GABRB3: variants seen among roughly 807,000 people sequenced by gnomAD.
The protein encoded by GABRB3 is gamma-aminobutyric acid receptor subunit beta-3.
In GABRB3, 14 loss-of-function variants were observed where a neutral mutation model predicts 52.1. That is an observed-to-expected ratio of 0.27 (90% CI 0.18 to 0.42). The LOEUF (loss-of-function observed/expected upper bound fraction) is 0.42. Ranked by LOEUF, GABRB3 falls within the 10% of genes least tolerant of loss-of-function variation. The probability of loss-of-function intolerance (pLI) is 1.00; values close to 1 mark genes in which losing one functional copy is unlikely to be tolerated. For synonymous variants in GABRB3, 260 were observed against 232.3 expected (o/e 1.12, Z -1.08); for missense variants, 307 against 609.1 (o/e 0.50, Z 5.22).
chr15:26,604,401 A>T (rs1009067633), intron 4 of GABRB3, among the ~76,000 whole-genome samples: 2 of 152,212 alleles, frequency 1.3e-5, no homozygotes, highest in African/African-American at 4.8e-5. Flanking sequence ...TTCTTCACAG[A>T]AATAGAAAAA....
chr15:26,663,637 G>A (rs553947719), intron 3 of GABRB3, among the ~76,000 whole-genome samples: 30 of 152,212 alleles, frequency 2.0e-4, no homozygotes, highest in African/African-American at 7.0e-4. Flanking sequence ...CACTGAATTT[G>A]CATCCTAGTT....
intron 3 of GABRB3, among the ~76,000 whole-genome samples, chr15:26,692,824 A>T (rs923615586): frequency 1.3e-5 from 2 of 152,226 alleles, no homozygotes; most frequent in Non-Finnish European, 2.9e-5. Context: ...AATCAGAACT[A>T]CACACAATCA....
At chr15:26,696,236 ATTTT>A (rs894103337) in intron 3 of GABRB3, among the ~76,000 whole-genome samples, 1 of 151,342 alleles carries the variant, frequency 6.6e-6, no homozygotes, top group Non-Finnish European at 1.5e-5. Flanking sequence ...CACATACTTT[ATTTT>A]TTTTTATTTT....
chr15:26,558,069 G>A (rs1390155074), intron 8 of GABRB3: 1 of 152,176 alleles, frequency 6.6e-6, no homozygotes, highest in African/African-American at 2.4e-5. Flanking sequence ...GTGGATACGT[G>A]TGCCTCTGTG....
intron 3 of GABRB3, among the ~76,000 whole-genome samples, chr15:26,638,980 TG>T (rs1233506032): frequency 2.6e-5 from 4 of 152,116 alleles, no homozygotes; most frequent in Non-Finnish European, 1.5e-5. Flanking sequence ...TTCTAGTGGA[TG>T]TCAATATGGT....
At chr15:26,654,397 T>G (rs969060776) in intron 3 of GABRB3, among the ~76,000 whole-genome samples, 2 of 152,238 alleles carry the variant, frequency 1.3e-5, no homozygotes, top group Admixed American at 6.5e-5. Flanking sequence ...CTGCCTGCCT[T>G]GGCCTCCCAA....
At chr15:26,642,765 T>G (rs1382187522) in intron 3 of GABRB3, among the ~76,000 whole-genome samples, 2 of 152,166 alleles carry the variant, frequency 1.3e-5, no homozygotes, top group African/African-American at 4.8e-5. Context: ...CAGATGAACA[T>G]TTATTAAATG....
intron 3 of GABRB3, among the ~76,000 whole-genome samples, chr15:26,755,214 C>T (rs1317211370): frequency 6.6e-6 from 1 of 151,788 alleles, no homozygotes; most frequent in Non-Finnish European, 1.5e-5. Flanking sequence ...ACCATGTTGG[C>T]CAGGATGGTC....
At chr15:26,563,565 T>C (rs955172187) in intron 7 of GABRB3, among the ~76,000 whole-genome samples, 1 of 152,242 alleles carries the variant, frequency 6.6e-6, no homozygotes, top group African/African-American at 2.4e-5. Context: ...GTAGCCATCA[T>C]TTCGAGCTGT....
At chr15:26,609,039 T>C (rs941831762) in intron 4 of GABRB3, among the ~76,000 whole-genome samples, 1 of 151,446 alleles carries the variant, frequency 6.6e-6, no homozygotes, top group Non-Finnish European at 1.5e-5. Flanking sequence ...TGTTATGGAA[T>C]CAACCTAAGT....
At chr15:26,651,401 C>G (rs1368145946) in intron 3 of GABRB3, among the ~76,000 whole-genome samples, 1 of 152,246 alleles carries the variant, frequency 6.6e-6, no homozygotes, top group African/African-American at 2.4e-5. Context: ...TAGTATCATC[C>G]TTCTGCATTC....
chr15:26,748,785 G>A (rs1311114263), intron 3 of GABRB3, among the ~76,000 whole-genome samples: 1 of 151,814 alleles, frequency 6.6e-6, no homozygotes, highest in South Asian at 2.1e-4. Flanking sequence ...CAGTACTTTG[G>A]GAGGCCAAGG....
At chr15:26,745,997 C>T (rs1890328516) in intron 3 of GABRB3, among the ~76,000 whole-genome samples, 1 of 152,152 alleles carries the variant, frequency 6.6e-6, no homozygotes, top group Non-Finnish European at 1.5e-5. Context: ...AAGGTAACTG[C>T]AGATTTAATT....
rs756866953 is a variant in GABRB3 at position 26,548,088 on chromosome 15, T to G, written c.1127A>C (p.Asn376Thr). The change falls in exon 9 of 9, where the codon AAT becomes ACT. Residue 376 changes from asparagine to threonine, a missense_variant. Transcript: ENST00000311550. ...NILLTSLEVH[N>T]EMNEVSGGIG... ...GCCGCCTGAGACCTCATTCATTTCATTGTGAACTTCCAGCGATGTCAACAG... is the reference window on the plus strand; with the variant it reads ...GCCGCCTGAGACCTCATTCATTTCAGTGTGAACTTCCAGCGATGTCAACAG... The G allele has an allele frequency of 6.2e-7, 1 of 1,614,214 alleles. No homozygotes were observed.
chr15:26,574,557 T>C (rs1044959184), intron 6 of GABRB3, among the ~76,000 whole-genome samples: 1 of 152,186 alleles, frequency 6.6e-6, no homozygotes, highest in African/African-American at 2.4e-5. Context: ...GCAGTATATT[T>C]CTTCGGCAAT....
At chr15:26,682,259 T>C (rs1888262331) in intron 3 of GABRB3, among the ~76,000 whole-genome samples, 1 of 152,200 alleles carries the variant, frequency 6.6e-6, no homozygotes, top group African/African-American at 2.4e-5. Flanking sequence ...CATGGAATCC[T>C]GGGATGAGCG....
chr15:26,652,237 G>A (rs1887220442), intron 3 of GABRB3, among the ~76,000 whole-genome samples: 1 of 152,272 alleles, frequency 6.6e-6, no homozygotes, highest in Non-Finnish European at 1.5e-5. Flanking sequence ...GCTTCAAGAT[G>A]TTCCTCCTTT....
intron 3 of GABRB3, among the ~76,000 whole-genome samples, chr15:26,704,963 T>C (rs1889051717): frequency 6.6e-6 from 1 of 152,184 alleles, no homozygotes; most frequent in Non-Finnish European, 1.5e-5. Context: ...AGCGTTCACT[T>C]CAGAACTGTC....
intron 3 of GABRB3, among the ~76,000 whole-genome samples, chr15:26,720,497 A>G (rs1362635928): frequency 1.3e-5 from 2 of 152,218 alleles, no homozygotes; most frequent in African/African-American, 4.8e-5. Flanking sequence ...GACTGGGGCA[A>G]GCAGGCATCA....
Sources: gnomAD v4.1 joint callset for allele counts (sites outside exome capture counted in the v4.1 genomes callset) on GRCh38, gnomAD v4.1.1 for gene constraint, MANE v1.5 for transcripts, NCBI Gene and HGNC (gene_info 2026-07-23, HGNC 2026-07-21) for gene names.